Variants in ANXA8 observed in about 807,000 individuals in gnomAD.
The protein encoded by ANXA8 is VAC-beta.
A neutral mutation model predicts 26.8 loss-of-function variants in ANXA8; 9 were observed. The observed-to-expected ratio is 0.34, with a 90% CI of 0.20 to 0.59. ANXA8 has a LOEUF of 0.59. Ranked by LOEUF, ANXA8 falls within the 20% of genes least tolerant of loss-of-function variation. The pLI is 0.84. For missense variants in ANXA8, 83 were observed against 238.5 expected, an observed-to-expected ratio of 0.35 and a Z score of 4.29; for synonymous variants, 39 against 94.8, an observed-to-expected ratio of 0.41 and a Z score of 3.42.
At chr10:47,671,186 G>T in the ANXA8 span, among the ~76,000 whole-genome samples, 1 of 151,854 alleles carries the variant, frequency 6.6e-6, no homozygotes, top group African/African-American at 2.4e-5. Flanking sequence ...ACTTTGGGAG[G>T]CTCAGGCGGA....
the ANXA8 span, among the ~76,000 whole-genome samples, chr10:47,941,779 A>G: frequency 1.4e-5 from 2 of 148,004 alleles, no homozygotes; most frequent in East Asian, 4.1e-4. Flanking sequence ...GCATTATCCA[A>G]CACCACCTAC....
the ANXA8 span, among the ~76,000 whole-genome samples, chr10:47,942,368 T>G: frequency 6.9e-6 from 1 of 144,530 alleles, no homozygotes; most frequent in South Asian, 2.2e-4. Context: ...AAAATTGCTT[T>G]CCTGCAATGC....
chr10:47,650,317 G>C, the ANXA8 span, among the ~76,000 whole-genome samples: 1 of 145,476 alleles, frequency 6.9e-6, no homozygotes, highest in African/African-American at 2.5e-5. Flanking sequence ...AAAGTGCTGG[G>C]ATTACAGGTG....
At chr10:47,698,134 C>A in the ANXA8 span, among the ~76,000 whole-genome samples, 1 of 150,982 alleles carries the variant, frequency 6.6e-6, no homozygotes, top group Non-Finnish European at 1.5e-5. Context: ...ACTAGGTAGC[C>A]TTTATTGTGA....
the ANXA8 span, among the ~76,000 whole-genome samples, chr10:47,730,678 A>G: frequency 6.7e-6 from 1 of 149,936 alleles, no homozygotes; most frequent in African/African-American, 2.4e-5. Flanking sequence ...AGTCAAGGCA[A>G]TATGTAGCAG....
At chr10:47,666,526 C>T in the ANXA8 span, among the ~76,000 whole-genome samples, 1 of 152,018 alleles carries the variant, frequency 6.6e-6, no homozygotes, top group African/African-American at 2.4e-5. Context: ...CAATGTCATG[C>T]ATTTGGCTGG....
At chr10:47,553,812 T>C in the ANXA8 span, among the ~76,000 whole-genome samples, 1 of 148,932 alleles carries the variant, frequency 6.7e-6, no homozygotes, top group African/African-American at 2.5e-5. Flanking sequence ...CTGTGCGGCC[T>C]GGCGCGGGTT....
the ANXA8 span, among the ~76,000 whole-genome samples, chr10:47,558,450 C>A: frequency 6.6e-6 from 1 of 151,680 alleles, no homozygotes; most frequent in East Asian, 1.9e-4. Flanking sequence ...TACCTTCATT[C>A]CTACTAGCAC....
chr10:47,899,845 T>A, the ANXA8 span, among the ~76,000 whole-genome samples: 1 of 148,624 alleles, frequency 6.7e-6, no homozygotes, highest in Non-Finnish European at 1.5e-5. Context: ...TTAATTTTTG[T>A]CCTGATTGAT....
the ANXA8 span, among the ~76,000 whole-genome samples, chr10:47,548,901 G>A: frequency 6.6e-6 from 1 of 152,270 alleles, no homozygotes; most frequent in Non-Finnish European, 1.5e-5. Context: ...CCTCAAGGGT[G>A]TATCAAGGGT....
chr10:47,711,631 A>G, the ANXA8 span, among the ~76,000 whole-genome samples: 1 of 146,958 alleles, frequency 6.8e-6, no homozygotes, highest in Non-Finnish European at 1.5e-5. Flanking sequence ...TGTATCAGTG[A>G]TAGACTAACT....
the ANXA8 span, among the ~76,000 whole-genome samples, chr10:47,559,059 A>ACATCATTT: frequency 1.3e-5 from 2 of 150,838 alleles, no homozygotes; most frequent in East Asian, 3.9e-4. Context: ...TGTATATGTC[A>ACATCATTT]CATCATTTTG....
At chr10:47,489,112 G>T (rs1840101420), upstream of ANXA8, among the ~76,000 whole-genome samples, 1 of 150,108 alleles carries the variant, frequency 6.7e-6, no homozygotes, top group Non-Finnish European at 1.5e-5. Context: ...CTGCCTCCCA[G>T]GTACACACCA....
At chr10:47,564,871 C>G in the ANXA8 span, 7 of 1,291,696 alleles carry the variant, frequency 5.4e-6, no homozygotes, top group Non-Finnish European at 7.9e-6. Flanking sequence ...ACTTCATCTA[C>G]CAGAGCCACT....
chr10:47,663,461 C>T, the ANXA8 span, among the ~76,000 whole-genome samples: 945 of 137,426 alleles, frequency 6.9e-3, 28 homozygotes, highest in African/African-American at 0.028. Context: ...TCATGGCTCA[C>T]GGCAGCCTGA....
At chr10:47,594,955 A>G in the ANXA8 span, among the ~76,000 whole-genome samples, 1 of 149,582 alleles carries the variant, frequency 6.7e-6, no homozygotes, top group Non-Finnish European at 1.5e-5. Context: ...CCCAAGACAC[A>G]TAGTCGTTAG....
At chr10:47,735,128 C>T in the ANXA8 span, among the ~76,000 whole-genome samples, 3 of 150,854 alleles carry the variant, frequency 2.0e-5, no homozygotes, top group African/African-American at 4.9e-5. Context: ...GAGAGACGGT[C>T]TTGCTCTGTC....
At chr10:47,666,037 A>G in the ANXA8 span, among the ~76,000 whole-genome samples, 1 of 151,548 alleles carries the variant, frequency 6.6e-6, no homozygotes, top group African/African-American at 2.4e-5. Flanking sequence ...TAAAAAGTAT[A>G]AAAACTACTG....
chr10:47,567,755 G>A, the ANXA8 span, among the ~76,000 whole-genome samples: 1 of 142,100 alleles, frequency 7.0e-6, no homozygotes, highest in Non-Finnish European at 1.5e-5. Flanking sequence ...AACTTGGCTA[G>A]CCAATTTTAT....
Sources: gnomAD v4.1 joint callset for allele counts (sites outside exome capture counted in the v4.1 genomes callset) on GRCh38, gnomAD v4.1.1 for gene constraint, MANE v1.5 for transcripts, NCBI Gene and HGNC (gene_info 2026-07-23, HGNC 2026-07-21) for gene names.